The following CLVS1 variants were observed in gnomAD, a reference collection of about 807,000 sequenced individuals.
CLVS1 encodes the protein clavesin 1.
Under a neutral mutation model 33.1 loss-of-function variants are expected in CLVS1, and 10 were observed. The ratio of observed to expected loss-of-function variants is 0.30; its 90% confidence interval spans 0.19 to 0.51. CLVS1 has a LOEUF of 0.51. CLVS1 is among the 20% of genes least tolerant of loss of function. The pLI is 0.97. For synonymous variants in CLVS1, 163 were observed against 166.1 expected (o/e 0.98, Z 0.14); for missense variants, 343 against 433.4 (o/e 0.79, Z 1.85).
chr8:61,031,956 C>G, the CLVS1 span, among the ~76,000 whole-genome samples: 4 of 151,960 alleles, frequency 2.6e-5, no homozygotes, highest in Non-Finnish European at 5.9e-5. Context: ...TAAAAGGACT[C>G]AAGGGAAAAA....
the CLVS1 span, among the ~76,000 whole-genome samples, chr8:61,031,329 G>A: frequency 5.9e-5 from 9 of 152,310 alleles, no homozygotes; most frequent in African/African-American, 2.2e-4. Context: ...CTGCAGGGTG[G>A]TGCTTGCAGA....
rs1272395983 is a variant in CLVS1 at position 61,300,012 on chromosome 8, C to T, written c.185C>T (p.Thr62Ile). The change falls in exon 2 of 6, where the codon ACC (threonine) becomes ATC (isoleucine). Residue 62 changes from threonine to isoleucine, a missense_variant. Coordinates refer to ENST00000325897, the MANE Select transcript of CLVS1 (RefSeq NM_173519.3). ...DIQQVRDMII[T>I]RPDIGFLRTD... ...CAGCAAGTCAGGGACATGATCATCA[C>T]CAGGCCTGACATTGGATTTTTACGT... is the stretch of plus-strand genomic sequence containing the variant. 1.2e-6 allele frequency: 2 copies of T among 1,614,032 alleles called. No individual in the cohort carries two copies. Among genetic ancestry groups the T allele is most frequent in the South Asian group, 2.2e-5 (2 of 91,070 alleles).
chr8:61,301,579 A>G (rs565996323), intron 2 of CLVS1, among the ~76,000 whole-genome samples: 28 of 152,334 alleles, frequency 1.8e-4, no homozygotes, highest in Non-Finnish European at 4.0e-4. Context: ...GCATAAATAT[A>G]TATTACCTCA....
chr8:61,300,855 AT>A (rs1810403986), intron 2 of CLVS1: 1 of 152,352 alleles, frequency 6.6e-6, no homozygotes, highest in Non-Finnish European at 1.5e-5. Flanking sequence ...CAAGCCAGAA[AT>A]CCAGGAGCCA....
At chr8:61,266,459 CAGACAGCCCCAG>C (rs1452469984) in intron 2 of CLVS1, among the ~76,000 whole-genome samples, 4 of 152,100 alleles carry the variant, frequency 2.6e-5, no homozygotes, top group Non-Finnish European at 4.4e-5. Flanking sequence ...CTTGAGCCAG[CAGACAGCCCCAG>C]AGACTAGGTT....
At chr8:61,376,860 A>G in intron 3 of CLVS1, 81 bp downstream of exon 3, 2 of 1,301,398 alleles carry the variant, frequency 1.5e-6, no homozygotes, top group Non-Finnish European at 2.1e-6. Flanking sequence ...AGTAATATTT[A>G]TCCTTTGGAG....
At chr8:61,431,247 T>A (rs868098551) in intron 3 of CLVS1, among the ~76,000 whole-genome samples, 2 of 152,134 alleles carry the variant, frequency 1.3e-5, no homozygotes, top group Non-Finnish European at 2.9e-5. Flanking sequence ...CAAAAATGGG[T>A]CTCATGGTGG....
At chr8:61,213,733 G>A (rs1808022350) in intron 2 of CLVS1, among the ~76,000 whole-genome samples, 1 of 152,140 alleles carries the variant, frequency 6.6e-6, no homozygotes, top group Non-Finnish European at 1.5e-5. Flanking sequence ...TGCACAAATT[G>A]TAGAGCATGT....
chr8:61,181,564 C>A lies in CLVS1; in HGVS notation c.-152+49704C>A, dbSNP rs149254846. On this transcript the variant is annotated intron_variant, in intron 2 of 2. Transcript: ENST00000522621. ...AAAGAAGAAAGTTGAAGGCATCATGCTACCTGACTTCAAACTATACTATAA... is the reference window on the plus strand; with the variant it reads ...AAAGAAGAAAGTTGAAGGCATCATGATACCTGACTTCAAACTATACTATAA... 5.0e-3 allele frequency among the ~76,000 whole-genome samples: 768 copies of A among 152,230 alleles called. 6 individuals are homozygous for A. Among genetic ancestry groups the A allele is most frequent in the Non-Finnish European group, 8.8e-3 (600 of 68,016 alleles).
At chr8:61,487,571 A>G (rs145690437) in intron 5 of CLVS1, among the ~76,000 whole-genome samples, 1 of 152,296 alleles carries the variant, frequency 6.6e-6, no homozygotes, top group East Asian at 1.9e-4. Flanking sequence ...TGCTTAAACT[A>G]CTATTTTGGA....
At chr8:61,083,170 G>A (rs956338807) in intron 1 of CLVS1, among the ~76,000 whole-genome samples, 2 of 152,148 alleles carry the variant, frequency 1.3e-5, no homozygotes, top group African/African-American at 4.8e-5. Context: ...AGGAAAAAAT[G>A]AAGGGAAAAT....
At chr8:61,109,748 G>A (rs957674940) in intron 1 of CLVS1, among the ~76,000 whole-genome samples, 2 of 152,100 alleles carry the variant, frequency 1.3e-5, no homozygotes, top group South Asian at 2.1e-4. Context: ...AATGGATTAC[G>A]GGTTAAGGGA....
chr8:61,300,125 T>C lies in CLVS1; in HGVS notation c.298T>C (p.Tyr100His). ...TAGACTCCTGGCTCAGTATTTCCAG[T>C]ACCGCCAGCTAAACCTGGACATGTT... ...AFRLLAQYFQ[Y>H]RQLNLDMFKN... The change falls in exon 2 of 6, where the codon TAC (tyrosine) becomes CAC (histidine). Residue 100 changes from tyrosine (Y) to histidine (H), a missense_variant. By Grantham distance (83) the Tyr-to-His change is moderately conservative. Coordinates refer to ENST00000325897, the MANE Select transcript of CLVS1 (RefSeq NM_173519.3). 3 of 1,614,026 alleles carry C rather than the reference T, an allele frequency of 1.9e-6. No individual in the cohort carries two copies. Among genetic ancestry groups the C allele is most frequent in the Non-Finnish European group, 2.5e-6 (3 of 1,179,948 alleles).
At chr8:61,352,547 G>A (rs577130229) in intron 2 of CLVS1, among the ~76,000 whole-genome samples, 24 of 151,878 alleles carry the variant, frequency 1.6e-4, no homozygotes, top group Non-Finnish European at 3.1e-4. Context: ...ATTCATTAAC[G>A]TAGACTGAAA....
upstream of CLVS1, among the ~76,000 whole-genome samples, chr8:61,056,824 T>C (rs373627764): frequency 9.8e-5 from 15 of 152,330 alleles, no homozygotes; most frequent in East Asian, 1.9e-3. Flanking sequence ...AGGGTTAAGT[T>C]AGATATTGAA....
At chr8:61,242,850 G>C (rs1808723504) in intron 2 of CLVS1, among the ~76,000 whole-genome samples, 1 of 152,014 alleles carries the variant, frequency 6.6e-6, no homozygotes, top group Non-Finnish European at 1.5e-5. Flanking sequence ...TTTCTTTGCT[G>C]ACCTTTCCTT....
At chr8:61,486,159 G>T (rs956047920) in intron 5 of CLVS1, among the ~76,000 whole-genome samples, 1 of 151,734 alleles carries the variant, frequency 6.6e-6, no homozygotes, top group African/African-American at 2.4e-5. Flanking sequence ...CTCCAGTGGG[G>T]TCAGAGGGAA....
At position 61,288,045 on chromosome 8, in the gene CLVS1, A is replaced by G. The variant is rs973772561; in HGVS notation, c.-245A>G. ...GCTTTCTAGAGAAATCTGAGCCCGA[A>G]CCTGCCAGAATAGGGGATCTCACCC... On this transcript the variant is annotated 5_prime_UTR_variant, in exon 1 of 6. Coordinates refer to ENST00000325897, the MANE Select transcript of CLVS1 (RefSeq NM_173519.3). The G allele has an allele frequency of 2.0e-5, 9 of 452,194 alleles. No individual in the cohort carries two copies. The highest frequency in any genetic ancestry group is 9.4e-5 in the South Asian group (6 of 64,012). The allele number at this position is 452,194 out of a possible 1,614,324, so 28.0% of individuals were successfully genotyped here. A position where few individuals can be genotyped will look rare whatever the true frequency, so the allele number is the denominator to read the frequency against.
At chr8:61,121,144 C>T (rs369000757) in intron 1 of CLVS1, among the ~76,000 whole-genome samples, 17 of 151,970 alleles carry the variant, frequency 1.1e-4, no homozygotes, top group African/African-American at 2.9e-4. Context: ...TTCCAGGTGC[C>T]GTCAGTCACC....
Sources: allele counts gnomAD v4.1 joint callset (sites outside exome capture counted in the v4.1 genomes callset), GRCh38; gene constraint gnomAD v4.1.1; transcripts MANE v1.5; gene names NCBI Gene and HGNC (gene_info 2026-07-23, HGNC 2026-07-21).